Variants in BBS9 observed in about 807,000 individuals in gnomAD.
The protein encoded by BBS9 is protein PTHB1.
BBS9 carries 89 observed loss-of-function variants against 117.7 expected under a neutral mutation model. The observed-to-expected ratio is 0.76, with a 90% CI of 0.64 to 0.90. The LOEUF is 0.90. Ranked by LOEUF, BBS9 falls within the 40% of genes least tolerant of loss-of-function variation. The pLI is 0.00. For missense variants in BBS9, 982 were observed against 1,042.2 expected, an observed-to-expected ratio of 0.94 and a Z score of 0.80; for synonymous variants, 379 against 370.9, an observed-to-expected ratio of 1.02 and a Z score of -0.25.
chr7:33,379,193 T>A (rs1282377452), intron 17 of BBS9, among the ~76,000 whole-genome samples: 1 of 152,248 alleles, frequency 6.6e-6, no homozygotes, highest in Admixed American at 6.5e-5. Context: ...TGGCTTGCAA[T>A]GCTCTTTCCA....
intron 11 of BBS9, 113 bp downstream of exon 11, chr7:33,341,086 G>A: frequency 1.2e-6 from 1 of 859,560 alleles, no homozygotes; most frequent in East Asian, 2.5e-5. Flanking sequence ...CTTCAGGGAG[G>A]ATAACAAATT....
chr7:33,224,634 T>G (rs897917886), intron 5 of BBS9, among the ~76,000 whole-genome samples: 2 of 152,220 alleles, frequency 1.3e-5, no homozygotes, highest in African/African-American at 4.8e-5. Flanking sequence ...CCTAACTTAC[T>G]TGTCGAATAG....
intron 21 of BBS9, among the ~76,000 whole-genome samples, chr7:33,578,632 C>G (rs1219529968): frequency 2.0e-5 from 3 of 152,154 alleles, no homozygotes; most frequent in East Asian, 1.9e-4. Context: ...TACCACTCAC[C>G]TAGCATAATC....
intron 19 of BBS9, among the ~76,000 whole-genome samples, chr7:33,492,100 G>A (rs1027287920): frequency 2.0e-5 from 3 of 149,396 alleles, no homozygotes; most frequent in African/African-American, 7.5e-5. Context: ...CTACTCAGGA[G>A]ACTGAGGCAT....
rs547183689 is a variant in BBS9, at chr7:33,359,295, G to A, written c.1693+1300G>A. The stretch of plus-strand genomic sequence containing the variant: ...TTAAACACCTGACTTCTGAGGAAGG[G>A]TTGATCTTTACTGTAGATAAATGCA... On this transcript the variant is annotated intron_variant, in intron 16 of 22. Transcript: ENST00000242067. 1.3e-4 allele frequency among the ~76,000 whole-genome samples: 20 copies of A among 152,114 alleles called. No homozygotes were observed. In the East Asian group the frequency reaches 3.7e-3, roughly 28 times the overall value.
intron 9 of BBS9, among the ~76,000 whole-genome samples, chr7:33,315,409 G>T (rs537150036): frequency 2.0e-5 from 3 of 152,228 alleles, no homozygotes; most frequent in Admixed American, 6.5e-5. Context: ...TTTACAGCTT[G>T]TCTTAATTCG....
intron 19 of BBS9, among the ~76,000 whole-genome samples, chr7:33,491,817 T>A (rs565491308): frequency 3.3e-5 from 5 of 152,352 alleles, no homozygotes; most frequent in South Asian, 2.1e-4. Context: ...ATTATTGGGA[T>A]TGTATAAACT....
intron 5 of BBS9, chr7:33,242,874 T>C: frequency 2.0e-6 from 1 of 510,806 alleles, no homozygotes; most frequent in Admixed American, 2.0e-5. Flanking sequence ...TGCATAACAT[T>C]CAGTTGGAGA....
intron 9 of BBS9, among the ~76,000 whole-genome samples, chr7:33,334,067 AG>A (rs1814751552): frequency 6.6e-6 from 1 of 152,206 alleles, no homozygotes; most frequent in South Asian, 2.1e-4. Flanking sequence ...ACCAGTAAAA[AG>A]TGTTTTTAGA....
chr7:33,328,940 G>C lies in BBS9; in HGVS notation c.1017-7501G>C, dbSNP rs1813385555. On this transcript the variant is annotated intron_variant, in intron 9 of 22. Transcript: ENST00000242067. ...AGTCACTGATTGAAATTTGGTCACT[G>C]GGAATGGAAAATAGAACTTTTTTTT... Among the ~76,000 whole-genome samples the C allele has an allele frequency of 2.0e-5, 3 of 151,730 alleles. No individual in the cohort carries two copies. The South Asian group carries it at 6.2e-4, about 32-fold the overall frequency.
At chr7:33,360,184 T>C (rs1031353891) in intron 16 of BBS9, among the ~76,000 whole-genome samples, 3 of 152,140 alleles carry the variant, frequency 2.0e-5, no homozygotes, top group Non-Finnish European at 4.4e-5. Flanking sequence ...ATTGTAAATA[T>C]ACCTGTGATG....
chr7:33,161,125 C>CTT (rs35467517), intron 4 of BBS9, among the ~76,000 whole-genome samples: 35 of 150,530 alleles, frequency 2.3e-4, no homozygotes, highest in Admixed American at 1.3e-3. Context: ...CTAATTAATA[C>CTT]TTTTTTTTTT....
At chr7:33,183,378 G>GA (rs201697952) in intron 5 of BBS9, among the ~76,000 whole-genome samples, 13 of 149,864 alleles carry the variant, frequency 8.7e-5, no homozygotes, top group South Asian at 2.1e-4. Context: ...CCACGAAGAG[G>GA]AAAAAAAAAC....
chr7:33,477,104 A>G (rs182351093), intron 19 of BBS9, among the ~76,000 whole-genome samples: 8 of 152,350 alleles, frequency 5.3e-5, no homozygotes, highest in Non-Finnish European at 1.0e-4. Context: ...TTTGTACCTC[A>G]GATTTCTCAT....
intron 20 of BBS9, among the ~76,000 whole-genome samples, chr7:33,526,465 T>C (rs1849517652): frequency 6.6e-6 from 1 of 151,958 alleles, no homozygotes; most frequent in Non-Finnish European, 1.5e-5. Flanking sequence ...TTCTTTTTTC[T>C]CTAAACTTCC....
At chr7:33,549,557 T>C (rs13311359) in intron 21 of BBS9, among the ~76,000 whole-genome samples, 49 of 151,244 alleles carry the variant, frequency 3.2e-4, no homozygotes, top group African/African-American at 1.1e-3. Flanking sequence ...CCAGAATCTA[T>C]AATGAACTCA....
intron 19 of BBS9, among the ~76,000 whole-genome samples, chr7:33,441,972 G>T (rs1452854847): frequency 3.3e-5 from 5 of 150,436 alleles, no homozygotes; most frequent in Admixed American, 6.6e-5. Context: ...GCTCACTGCA[G>T]CCTCCACCTC....
chr7:33,269,844 GA>G (rs1799471504), intron 7 of BBS9, among the ~76,000 whole-genome samples: 2 of 151,968 alleles, frequency 1.3e-5, no homozygotes, highest in Non-Finnish European at 2.9e-5. Flanking sequence ...CCAACATGGT[GA>G]AACCCTGTCT....
At chr7:33,171,932 C>CA (rs1170996929) in intron 4 of BBS9, among the ~76,000 whole-genome samples, 1 of 151,938 alleles carries the variant, frequency 6.6e-6, no homozygotes, top group Non-Finnish European at 1.5e-5. Context: ...CCTGACATAC[C>CA]AGGTGCAATG....
Sources: allele counts gnomAD v4.1 joint callset (sites outside exome capture counted in the v4.1 genomes callset), GRCh38; gene constraint gnomAD v4.1.1; transcripts MANE v1.5; gene names NCBI Gene and HGNC (gene_info 2026-07-23, HGNC 2026-07-21).